The following CKAP4 variants were observed in gnomAD, a reference collection of about 807,000 sequenced individuals.
The protein encoded by CKAP4 is cytoskeleton associated protein 4.
In CKAP4, 20 loss-of-function variants were observed where a neutral mutation model predicts 24.4. That is an observed-to-expected ratio of 0.82 (90% CI 0.58 to 1.19). The LOEUF is 1.19. Among genes scored for constraint, CKAP4 ranks in the 50% most tolerant of loss-of-function variants. The pLI, the probability that CKAP4 is intolerant of heterozygous loss-of-function variation, is 0.00. For synonymous variants in CKAP4, 378 were observed against 351.7 expected, an observed-to-expected ratio of 1.07 and a Z score of -0.84; for missense variants, 744 against 765.3, an observed-to-expected ratio of 0.97 and a Z score of 0.33.
Position 106,240,053 on chromosome 12 carries a change from C to A in CKAP4, c.780G>T (p.Lys260Asn). ...TGTCATTGATCTCCTTCTGGCTCCT[C>A]TTCTGGACTTCTGTGAAGATGGCGA... is the stretch of plus-strand genomic sequence containing the variant. Reference protein sequence around the residue: ...DNIAIFTEVQKRSQKEINDMK... With the variant: ...DNIAIFTEVQNRSQKEINDMK... The change falls in exon 2 of 2, where the codon AAG (lysine) becomes AAT (asparagine). Residue 260 changes from lysine (K) to asparagine (N), a missense_variant. Physicochemically the swap from Lys to Asn is moderately conservative, Grantham distance 94. Around this residue, in one of 3 missense-constraint regions of CKAP4, gnomAD observed 43 missense variants for 76.4 expected, o/e 0.56. Transcript: ENST00000378026. The A allele has an allele frequency of 6.2e-7, 1 of 1,614,176 alleles. No homozygotes were observed. Among genetic ancestry groups the A allele is most frequent in the Non-Finnish European group, 8.5e-7 (1 of 1,180,048 alleles).
At position 106,240,288 on chromosome 12, in the gene CKAP4, T is replaced by G; in HGVS notation, c.545A>C (p.Lys182Thr). ...FESILRSSQH[K>T]QDLTEKAVKQ... The stretch of plus-strand genomic sequence containing the variant: ...CACAGCTTTCTCTGTGAGGTCTTGT[T>G]TATGTTGGGAGCTTCTCAAGATGGA... The change falls in exon 2 of 2, where the codon AAA becomes ACA. Residue 182 changes from lysine (K) to threonine (T), a missense_variant. Around this residue, in one of 3 missense-constraint regions of CKAP4, gnomAD observed 300 missense variants for 264.5 expected, o/e 1.13. Coordinates refer to ENST00000378026, the MANE Select transcript of CKAP4 (RefSeq NM_006825.4). The G allele has an allele frequency of 6.2e-7, 1 of 1,614,208 alleles. No individual in the cohort carries two copies. Among genetic ancestry groups the G allele is most frequent in the Non-Finnish European group, 8.5e-7 (1 of 1,180,024 alleles).
chr12:106,244,792 G>A (rs377126050), intron 1 of CKAP4, among the ~76,000 whole-genome samples: 2 of 152,044 alleles, frequency 1.3e-5, no homozygotes, highest in South Asian at 2.1e-4. Flanking sequence ...CTGTCTCTAC[G>A]AAATATAAAA....
rs1388852298 is a variant in CKAP4, at chr12:106,239,917, C to T, written c.916G>A (p.Asp306Asn). The T allele has an allele frequency of 6.2e-7, 1 of 1,614,118 alleles. No individual in the cohort carries two copies. The highest frequency in any genetic ancestry group is 8.5e-7 in the Non-Finnish European group (1 of 1,180,032). The change falls in exon 2 of 2, where the codon GAC becomes AAC. Residue 306 changes from aspartate to asparagine, a missense_variant. Asp to Asn is a conservative substitution (Grantham distance 23). This residue lies in a region of CKAP4 where 401 missense variants were observed against 424.5 expected (regional missense o/e 0.94). Coordinates refer to ENST00000378026, the MANE Select transcript of CKAP4 (RefSeq NM_006825.4). The surrounding 1 kb of genome is among the most constrained non-coding windows in gnomAD (Gnocchi z 4.9). ...IQTSAKSREW[D>N]MEALRSTLQT... ...AGGGTACTTCTCAGGGCCTCCATGT[C>T]CCACTCTCTGGACTTGGCTGAGGTC...
In CKAP4 at chr12:106,238,527, A is replaced by G. The variant is rs1270761392; in HGVS notation, c.*497T>C. 2.6e-5 allele frequency: 4 copies of G among 154,652 alleles called. No individual in the cohort carries two copies. The highest frequency in any genetic ancestry group is 5.8e-5 in the Non-Finnish European group (4 of 69,548). 9.6% of individuals were successfully genotyped at this position (154,652 alleles called of 1,614,324 possible). Reference sequence around the variant, plus strand: ...TCTCCCCTCCTCATTCAGAGCTGACAGCTATGAGCTTTAACCGGTTCAAAG... The same window carrying G: ...TCTCCCCTCCTCATTCAGAGCTGACGGCTATGAGCTTTAACCGGTTCAAAG... On this transcript the variant is annotated 3_prime_UTR_variant, in exon 2 of 2. Coordinates refer to ENST00000378026, the MANE Select transcript of CKAP4 (RefSeq NM_006825.4).
chr12:106,239,794 G>A lies in CKAP4; in HGVS notation c.1039C>T (p.Leu347Phe). 1 of 1,614,102 alleles carries A rather than the reference G, an allele frequency of 6.2e-7. No homozygotes were observed. The highest frequency in any genetic ancestry group is 8.5e-7 in the Non-Finnish European group (1 of 1,180,032). ...AFKEAADTER[L>F]ALQALTEKLL... Reference sequence around the variant, plus strand: ...TTCTCCGTGAGGGCCTGCAGGGCGAGCCGCTCCGTGTCGGCCGCCTCCTTG... The same window carrying A: ...TTCTCCGTGAGGGCCTGCAGGGCGAACCGCTCCGTGTCGGCCGCCTCCTTG... The change falls in exon 2 of 2, where the codon CTC becomes TTC. Residue 347 changes from leucine to phenylalanine, a missense_variant. Leu to Phe is a conservative substitution (Grantham distance 22). Coordinates refer to ENST00000378026, the MANE Select transcript of CKAP4 (RefSeq NM_006825.4). This position sits in a 1 kb window ranked among gnomAD's most constrained non-coding sequence, Gnocchi z 4.9.
In CKAP4 at chr12:106,239,048, C is replaced by T. The variant is rs574274118; in HGVS notation, c.1785G>A (p.Val595=). The part of the protein sequence containing the change: ...RNDLDRLFVK[V]EKIHEKV ...TTTAGACCTTTTCGTGAATCTTCTC[C>T]ACTTTCACAAACAACCTATCCAGAT... The change falls in exon 2 of 2, where the codon GTG becomes GTA. Residue 595 remains valine (V), a synonymous_variant. Coordinates refer to ENST00000378026, the MANE Select transcript of CKAP4 (RefSeq NM_006825.4). This position sits in a 1 kb window ranked among gnomAD's most constrained non-coding sequence, Gnocchi z 4.9. 1 of 1,613,620 alleles carries T rather than the reference C, an allele frequency of 6.2e-7. No homozygotes were observed. The highest frequency in any genetic ancestry group is 8.5e-7 in the Non-Finnish European group (1 of 1,179,598).
rs1292185908 is a variant in CKAP4 at position 106,247,143 on chromosome 12, G to A, written c.483+226C>T. On this transcript the variant is annotated intron_variant, in intron 1 of 1. Coordinates refer to ENST00000378026, the MANE Select transcript of CKAP4 (RefSeq NM_006825.4). This position sits in a 1 kb window ranked among gnomAD's most constrained non-coding sequence, Gnocchi z 4.5. ...TCGCGGCGGCCCATCCCTCGGGGCC[G>A]ATTCCTCCGCAGCCATTAACAAAGG... Among the ~76,000 whole-genome samples the A allele has an allele frequency of 1.3e-5, 2 of 152,164 alleles. No homozygotes were observed. The highest frequency in any genetic ancestry group is 2.9e-5 in the Non-Finnish European group (2 of 68,012).
At chr12:106,243,125 G>T (rs535363220) in intron 1 of CKAP4, among the ~76,000 whole-genome samples, 4 of 152,288 alleles carry the variant, frequency 2.6e-5, no homozygotes, top group Admixed American at 6.5e-5. Flanking sequence ...ACCCTAGGGT[G>T]GGGGGACTGG....
At chr12:106,241,419 G>A (rs1448520006) in intron 1 of CKAP4, among the ~76,000 whole-genome samples, 1 of 144,484 alleles carries the variant, frequency 6.9e-6, no homozygotes, top group African/African-American at 2.6e-5. Context: ...TGCAAGCTCC[G>A]CCTCCCGGGT....
In CKAP4 at chr12:106,247,107, C is replaced by T. The variant is rs2136538055; in HGVS notation, c.483+262G>A. On this transcript the variant is annotated intron_variant, in intron 1 of 1. Transcript: ENST00000378026. This position sits in a 1 kb window ranked among gnomAD's most constrained non-coding sequence, Gnocchi z 4.5. ...CCCTTGGCCCACCCTGCCAGGCGGGCCTGGGCATCCTCGCGGCGGCCCATC... is the reference window on the plus strand; with the variant it reads ...CCCTTGGCCCACCCTGCCAGGCGGGTCTGGGCATCCTCGCGGCGGCCCATC... 6.6e-6 allele frequency among the ~76,000 whole-genome samples: 1 copy of T among 152,344 alleles called. No individual in the cohort carries two copies. The highest frequency in any genetic ancestry group is 1.9e-4 in the East Asian group (1 of 5,150).
rs373289408 is a variant in CKAP4, at chr12:106,240,185, C to T, written c.648G>A (p.Ser216=). The T allele has an allele frequency of 4.5e-5, 72 of 1,614,070 alleles. No homozygotes were observed. In the Admixed American group the frequency reaches 5.2e-4, roughly 12 times the overall value. ...KLQNEILKDL[S]DGIHVVKDAR... The stretch of plus-strand genomic sequence containing the variant: ...CGTCCTTCACCACATGGATCCCATC[C>T]GAGAGGTCTTTGAGAATCTCATTCT... The change falls in exon 2 of 2, where the codon TCG becomes TCA. Residue 216 remains serine (S), a synonymous_variant. Coordinates refer to ENST00000378026, the MANE Select transcript of CKAP4 (RefSeq NM_006825.4).
intron 1 of CKAP4, among the ~76,000 whole-genome samples, chr12:106,245,994 G>C (rs2034006570): frequency 6.6e-6 from 1 of 152,250 alleles, no homozygotes; most frequent in Admixed American, 6.5e-5. Context: ...AAAGGAGGCA[G>C]TGGCTCCGGG....
At chr12:106,240,548 G>C (rs1442269699) in intron 1 of CKAP4, among the ~76,000 whole-genome samples, 199 bp from the exon 2 acceptor site, 1 of 151,740 alleles carries the variant, frequency 6.6e-6, no homozygotes. Context: ...GTGCTCCAGG[G>C]ATGATTTATA....
chr12:106,247,667 T>C lies in CKAP4; in HGVS notation c.185A>G (p.Gln62Arg). 1.8e-6 allele frequency: 2 copies of C among 1,107,848 alleles called. No homozygotes were observed. Among genetic ancestry groups the C allele is most frequent in the South Asian group, 2.6e-5 (1 of 39,016 alleles). The allele number at this position is 1,107,848 out of a possible 1,614,324, so 68.6% of individuals were successfully genotyped here. ...GCGGTGGCCGCCCTTGCCGTGCGCC[T>C]GGTTCTGCGGGTGCTGCTGCGGGTG... is the stretch of plus-strand genomic sequence containing the variant. ...QQHPQQHPQN[Q>R]AHGKGGHRGG... Residue 62 changes from glutamine (Q) to arginine (R), a missense_variant, in exon 1 of 2, where the codon CAG becomes CGG. Coordinates refer to ENST00000378026, the MANE Select transcript of CKAP4 (RefSeq NM_006825.4). This position sits in a 1 kb window ranked among gnomAD's most constrained non-coding sequence, Gnocchi z 4.5.
At position 106,247,937 on chromosome 12, in the gene CKAP4, G is replaced by T; in HGVS notation, c.-86C>A. Reference sequence around the variant, plus strand: ...CGGGAAACTTGCAGGGGCTCCCCCGGGACTGGGCGAGCGGCACGCGGGCGC... The same window carrying T: ...CGGGAAACTTGCAGGGGCTCCCCCGTGACTGGGCGAGCGGCACGCGGGCGC... On this transcript the variant is annotated 5_prime_UTR_variant, in exon 1 of 2. Transcript: ENST00000378026. This position sits in a 1 kb window ranked among gnomAD's most constrained non-coding sequence, Gnocchi z 4.5. The T allele has an allele frequency of 1.2e-6, 1 of 850,972 alleles. No individual in the cohort carries two copies. The highest frequency in any genetic ancestry group is 5.2e-5 in the South Asian group (1 of 19,084). 52.7% of individuals were successfully genotyped at this position (850,972 alleles called of 1,614,324 possible).
At chr12:106,244,831 T>C (rs1457594983) in intron 1 of CKAP4, among the ~76,000 whole-genome samples, 2 of 152,208 alleles carry the variant, frequency 1.3e-5, no homozygotes, top group East Asian at 3.8e-4. Context: ...GAAGTCACTA[T>C]TTCAATTATT....
rs1353595710 is a variant in CKAP4, at chr12:106,238,980, T to C, written c.*44A>G. On this transcript the variant is annotated 3_prime_UTR_variant, in exon 2 of 2. Transcript: ENST00000378026. Reference sequence around the variant, plus strand: ...GAAAAAACCACACATTTTTTGGTCATGAGAAATTGGACTTTAAATCCGCGC... The same window carrying C: ...GAAAAAACCACACATTTTTTGGTCACGAGAAATTGGACTTTAAATCCGCGC... 1 of 1,587,144 alleles carries C rather than the reference T, an allele frequency of 6.3e-7. No individual in the cohort carries two copies. The highest frequency in any genetic ancestry group is 8.6e-7 in the Non-Finnish European group (1 of 1,163,060).
rs2033920237 is a variant in CKAP4 at position 106,237,975 on chromosome 12, T to C, written c.*1049A>G. ...GTAAACTAAACAAAACTTTTTTTTT[T>C]TTTTTTTACTTTTCGGGTTTTTTTT... On this transcript the variant is annotated 3_prime_UTR_variant, in exon 2 of 2. Coordinates refer to ENST00000378026, the MANE Select transcript of CKAP4 (RefSeq NM_006825.4). 6.7e-6 allele frequency: 1 copy of C among 149,638 alleles called. No individual in the cohort carries two copies. The highest frequency in any genetic ancestry group is 2.1e-4 in the South Asian group (1 of 4,778). 9.3% of individuals were successfully genotyped at this position (149,638 alleles called of 1,614,324 possible).
chr12:106,246,913 G>A (rs1262814404), intron 1 of CKAP4: 1 of 157,618 alleles, frequency 6.3e-6, no homozygotes, highest in Non-Finnish European at 1.4e-5. Context: ...GTCTCCCACA[G>A]GCAGAGCTGA....
Sources: allele counts gnomAD v4.1 joint callset (sites outside exome capture counted in the v4.1 genomes callset), GRCh38; gene constraint gnomAD v4.1.1; regional missense constraint gnomAD v4.1.1; non-coding constraint Gnocchi (gnomAD v3.1); transcripts MANE v1.5; gene names NCBI Gene and HGNC (gene_info 2026-07-23, HGNC 2026-07-21).